MRPL3: variants seen among roughly 807,000 people sequenced by gnomAD.
The protein encoded by MRPL3 is mitochondrial ribosomal protein L3.
MRPL3 carries 43 observed loss-of-function variants against 44.3 expected under a neutral mutation model. That is an observed-to-expected ratio of 0.97 (90% CI 0.76 to 1.25). The LOEUF (loss-of-function observed/expected upper bound fraction) is 1.25, where lower values mean the gene tolerates loss of function less well. Among genes scored for constraint, MRPL3 ranks in the 50% most tolerant of loss-of-function variants. The pLI, the probability that MRPL3 is intolerant of heterozygous loss-of-function variation, is 0.00. For missense variants in MRPL3, 406 were observed against 427.6 expected (o/e 0.95, Z 0.45); for synonymous variants, 171 against 152.3 (o/e 1.12, Z -0.91).
intron 6 of MRPL3, among the ~76,000 whole-genome samples, chr3:131,477,606 G>T (rs1021847415): frequency 1.3e-5 from 2 of 152,044 alleles, no homozygotes; most frequent in Non-Finnish European, 2.9e-5. Context: ...TCAACTCAAG[G>T]CCTATTTATT....
Position 131,501,587 on chromosome 3 carries a change from G to C in MRPL3, c.221C>G (p.Ala74Gly), listed in dbSNP as rs371737557. ...LVSDEDKAQL[A>G]SKLCPLKDEP... ...ATCTTTCAGAGGACACAGTTTACTT[G>C]CTAATTGGGCTTTATCTTCATCAGA... The change falls in exon 2 of 10, where the codon GCA becomes GGA. Residue 74 changes from alanine (A) to glycine (G), a missense_variant. Transcript: ENST00000264995. 6.2e-7 allele frequency: 1 copy of C among 1,612,076 alleles called. No homozygotes were observed. Among genetic ancestry groups the C allele is most frequent in the African/African-American group, 1.3e-5 (1 of 74,858 alleles).
intron 7 of MRPL3, 85 bp downstream of exon 7, chr3:131,471,086 G>T: frequency 1.1e-6 from 1 of 925,166 alleles, no homozygotes; most frequent in South Asian, 1.4e-5. Flanking sequence ...AAAATTATGT[G>T]ACTTCATATC....
chr3:131,482,986 CTTTTTT>C (rs3033337), intron 6 of MRPL3, among the ~76,000 whole-genome samples: 2 of 140,752 alleles, frequency 1.4e-5, no homozygotes, highest in Non-Finnish European at 3.1e-5. Flanking sequence ...TTTCATTCTT[CTTTTTT>C]TTTTTTTTTT....
chr3:131,495,578 T>C (rs977483501), intron 4 of MRPL3, among the ~76,000 whole-genome samples: 4 of 152,186 alleles, frequency 2.6e-5, no homozygotes, highest in African/African-American at 9.7e-5. Context: ...CCTGCTGTGC[T>C]ATGTAACCAC....
chr3:131,478,336 A>G (rs1169266462), intron 6 of MRPL3, among the ~76,000 whole-genome samples: 1 of 152,208 alleles, frequency 6.6e-6, no homozygotes, highest in Non-Finnish European at 1.5e-5. Flanking sequence ...GAAACAAACC[A>G]AACATCTCTC....
In MRPL3 at chr3:131,502,785, G is replaced by C. The variant is rs1191164817; in HGVS notation, c.37C>G (p.Gln13Glu). The C allele has an allele frequency of 6.2e-7, 1 of 1,612,580 alleles. No homozygotes were observed. The highest frequency in any genetic ancestry group is 2.2e-5 in the East Asian group (1 of 44,830). ...GWRLLTQVGA[Q>E]VLGRLGDGLG... is the part of the protein sequence containing the mutation. Reference sequence around the variant, plus strand: ...CCGTCCCCGAGTCGACCCAGCACCTGGGCGCCGACCTGCGTCAGCAGCCTC... The same window carrying C: ...CCGTCCCCGAGTCGACCCAGCACCTCGGCGCCGACCTGCGTCAGCAGCCTC... The change falls in exon 1 of 10, where the codon CAG becomes GAG. Residue 13 changes from glutamine (Q) to glutamate (E), a missense_variant. Physicochemically the swap from Gln to Glu is conservative, Grantham distance 29 (BLOSUM62 2). Coordinates refer to ENST00000264995, the MANE Select transcript of MRPL3 (RefSeq NM_007208.4).
intron 6 of MRPL3, among the ~76,000 whole-genome samples, chr3:131,480,869 A>AT (rs1007805968): frequency 3.6e-4 from 55 of 152,318 alleles, no homozygotes; most frequent in Middle Eastern, 3.4e-3. Context: ...CTGAGGAATT[A>AT]TTTTTTGGAA....
intron 3 of MRPL3, among the ~76,000 whole-genome samples, chr3:131,500,060 T>A (rs1227795787): frequency 6.6e-6 from 1 of 152,336 alleles, no homozygotes; most frequent in East Asian, 1.9e-4. Context: ...AAGAGTATTA[T>A]ATTCTGTTAG....
At chr3:131,502,014 T>C (rs1934510411) in intron 1 of MRPL3, 3 of 1,020,920 alleles carry the variant, frequency 2.9e-6, no homozygotes, top group East Asian at 2.6e-5. Flanking sequence ...ACTAACCCAT[T>C]TGGAAGTGTA....
In MRPL3 at chr3:131,481,648, G is replaced by A. The variant is rs553775050; in HGVS notation, c.629+6032C>T. On this transcript the variant is annotated intron_variant, in intron 6 of 9. Coordinates refer to ENST00000264995, the MANE Select transcript of MRPL3 (RefSeq NM_007208.4). ...CTTTGTAAATAAGGAGGCAACTATA[G>A]ATGACCACTAATAAAATTTTTAACC... is the stretch of plus-strand genomic sequence containing the variant. 2.0e-5 allele frequency among the ~76,000 whole-genome samples: 3 copies of A among 152,262 alleles called. No homozygotes were observed. The South Asian group carries it at 6.2e-4, about 32-fold the overall frequency.
chr3:131,472,417 T>C (rs551931983), intron 6 of MRPL3, among the ~76,000 whole-genome samples: 39 of 152,282 alleles, frequency 2.6e-4, no homozygotes, highest in Non-Finnish European at 5.3e-4. Flanking sequence ...TTAAAGTTTG[T>C]TTCTGAAATG....
rs1329567166 is a variant in MRPL3, at chr3:131,464,653, T to C, written c.895-1778A>G. 2.6e-5 allele frequency among the ~76,000 whole-genome samples: 4 copies of C among 152,198 alleles called. No homozygotes were observed. The South Asian group carries it at 6.2e-4, about 24-fold the overall frequency. On this transcript the variant is annotated intron_variant, in intron 9 of 9. Transcript: ENST00000264995. ...CACGAATGAACCGTACTTTAGAACATACATTTATACTTATTATGCTGTAAA... is the reference window on the plus strand; with the variant it reads ...CACGAATGAACCGTACTTTAGAACACACATTTATACTTATTATGCTGTAAA...
At chr3:131,489,923 T>C (rs948918285) in intron 5 of MRPL3, 58 bp downstream of exon 5, 7 of 1,055,748 alleles carry the variant, frequency 6.6e-6, no homozygotes, top group Non-Finnish European at 1.0e-5. Flanking sequence ...GGGCTGACAT[T>C]AAACAAATTG....
intron 3 of MRPL3, among the ~76,000 whole-genome samples, chr3:131,499,279 T>C (rs958105885): frequency 2.0e-5 from 3 of 152,238 alleles, no homozygotes; most frequent in African/African-American, 7.2e-5. Context: ...ATGATTTGTT[T>C]ACCTGTTCTA....
intron 4 of MRPL3, 86 bp from the exon 5 acceptor site, chr3:131,490,166 AC>A: frequency 3.4e-6 from 3 of 886,780 alleles, no homozygotes; most frequent in Non-Finnish European, 5.5e-6. Context: ...AGTTATTAAC[AC>A]CCCAGAAAAT....
chr3:131,502,218 G>C (rs1000914399), intron 1 of MRPL3, among the ~76,000 whole-genome samples: 37 of 152,244 alleles, frequency 2.4e-4, no homozygotes, highest in Non-Finnish European at 1.6e-4. Context: ...TTAGTGGGCG[G>C]AGGTCAGGAA....
rs554370037 is a variant in MRPL3, at chr3:131,469,233, C to T, written c.816+463G>A. Among the ~76,000 whole-genome samples the T allele has an allele frequency of 8.7e-4, 127 of 145,240 alleles. 1 individual carries two copies. Among genetic ancestry groups the T allele is most frequent in the Middle Eastern group, 7.1e-3 (2 of 280 alleles). On this transcript the variant is annotated intron_variant, in intron 8 of 9. Coordinates refer to ENST00000264995, the MANE Select transcript of MRPL3 (RefSeq NM_007208.4). Reference sequence around the variant, plus strand: ...TCCTCCTTACACTTACACACACACACGCACACACACACACACACATTTGAT... The same window carrying T: ...TCCTCCTTACACTTACACACACACATGCACACACACACACACACATTTGAT...
At chr3:131,489,955 C>T (rs758608847) in intron 5 of MRPL3, 26 bp downstream of exon 5, 2 of 1,458,366 alleles carry the variant, frequency 1.4e-6, no homozygotes, top group East Asian at 2.3e-5. Context: ...ATTTTTACCT[C>T]CCTCCTCTCC....
chr3:131,483,398 G>A (rs1257047005), intron 6 of MRPL3, among the ~76,000 whole-genome samples: 1 of 152,064 alleles, frequency 6.6e-6, no homozygotes. Context: ...CTGCTAGGCA[G>A]TTTTATTTAT....
Sources: allele counts gnomAD v4.1 joint callset (sites outside exome capture counted in the v4.1 genomes callset), GRCh38; gene constraint gnomAD v4.1.1; transcripts MANE v1.5; gene names NCBI Gene and HGNC (gene_info 2026-07-23, HGNC 2026-07-21).